The following MLH3 variants were observed in gnomAD, a reference collection of about 807,000 sequenced individuals.
MLH3 encodes mutL homolog 3, also known as DNA mismatch repair protein Mlh3.
MLH3 carries 82 observed loss-of-function variants against 122.2 expected under a neutral mutation model. The observed-to-expected ratio is 0.67, with a 90% CI of 0.56 to 0.81. The LOEUF (loss-of-function observed/expected upper bound fraction) is 0.81, where lower values mean the gene tolerates loss of function less well. Ranked by LOEUF, MLH3 falls within the 30% of genes least tolerant of loss-of-function variation. MLH3 has a pLI of 0.00. For synonymous variants in MLH3, 524 were observed against 599.5 expected, an observed-to-expected ratio of 0.87 and a Z score of 1.84; for missense variants, 1,539 against 1,714.5, an observed-to-expected ratio of 0.90 and a Z score of 1.81.
At position 75,048,279 on chromosome 14, in the gene MLH3, T is replaced by C. The variant is rs775675058; in HGVS notation, c.1377A>G (p.Gln459=). 6.2e-7 allele frequency: 1 copy of C among 1,614,092 alleles called. No individual in the cohort carries two copies. The highest frequency in any genetic ancestry group is 1.1e-5 in the South Asian group (1 of 91,086). Residue 459 remains glutamine (Q), a synonymous_variant, in exon 2 of 13, where the codon CAA becomes CAG. Coordinates refer to ENST00000355774, the MANE Select transcript of MLH3 (RefSeq NM_001040108.2). ...ATTCTGAGCAAGAGCTGTCTTTGTT[T>C]TGTAAAGATGGCTCTGTCATTTTGC... ...GHSKMTEPSL[Q]NKDSSCSESK...
rs1410738510 is a variant in MLH3 at position 75,032,130 on chromosome 14, C to T, written c.3765G>A (p.Leu1255=). 1.7e-5 allele frequency: 27 copies of T among 1,613,928 alleles called. No individual in the cohort carries two copies. Among genetic ancestry groups the T allele is most frequent in the Non-Finnish European group, 2.3e-5 (27 of 1,179,942 alleles). Residue 1255 remains leucine, a synonymous_variant, in exon 8 of 13, where the codon CTG becomes CTA. Transcript: ENST00000355774. ...CTAGCGGAGGAATTAGAGTAGAAGACAGTAATTTTTTCCGACCAGAGCCTT... is the reference window on the plus strand; with the variant it reads ...CTAGCGGAGGAATTAGAGTAGAAGATAGTAATTTTTTCCGACCAGAGCCTT... ...QAQGSGRKKL[L]SSTLIPPLEI... is the part of the protein sequence containing the mutation.
At chr14:75,020,108 G>A (rs1462096153) in intron 11 of MLH3, among the ~76,000 whole-genome samples, 2 of 152,162 alleles carry the variant, frequency 1.3e-5, no homozygotes, top group Admixed American at 6.5e-5. Context: ...TCAGGTAGAG[G>A]AGAAGGCCAG....
rs778567041 is a variant in MLH3 at position 75,049,071 on chromosome 14, A to C, written c.585T>G (p.Gly195=). Residue 195 remains glycine (G), a synonymous_variant, in exon 2 of 13, where the codon GGT becomes GGG. Coordinates refer to ENST00000355774, the MANE Select transcript of MLH3 (RefSeq NM_001040108.2). ...TTTTAGGGAGCTGAAGAACCATGGAACCAGAAACATCATTTCTCAAAGAGA... is the reference window on the plus strand; with the variant it reads ...TTTTAGGGAGCTGAAGAACCATGGACCCAGAAACATCATTTCTCAAAGAGA... ...ISFSLRNDVS[G]SMVLQLPKTK... 2.5e-6 allele frequency: 4 copies of C among 1,614,100 alleles called. No individual in the cohort carries two copies. The highest frequency in any genetic ancestry group is 3.4e-6 in the Non-Finnish European group (4 of 1,180,006).
chr14:75,041,418 AG>A (rs1190134449), intron 4 of MLH3, among the ~76,000 whole-genome samples, 196 bp downstream of exon 4: 2 of 152,114 alleles, frequency 1.3e-5, no homozygotes, highest in Non-Finnish European at 2.9e-5. Context: ...GCGTGGTGGC[AG>A]GTGCCTGTAA....
In MLH3 at chr14:75,046,179, C is replaced by CAA. The variant is rs138141680; in HGVS notation, c.3280+195_3280+196dup. 1.3e-4 allele frequency among the ~76,000 whole-genome samples: 7 copies of CAA among 53,668 alleles called. No homozygotes were observed. In the East Asian group the frequency reaches 2.1e-3, roughly 16 times the overall value. 35.2% of individuals were successfully genotyped at this position (53,668 alleles called of 152,430 possible). On this transcript the variant is annotated intron_variant, in intron 2 of 12. Transcript: ENST00000355774. The stretch of plus-strand genomic sequence containing the variant: ...TGGGTGACAGAGCAAGACTCCGTCT[C>CAA]AAAAAAAAAAAAAAAAAAAAGTAGT...
intron 9 of MLH3, among the ~76,000 whole-genome samples, chr14:75,023,881 T>C (rs549355365): frequency 9.2e-5 from 14 of 152,208 alleles, no homozygotes; most frequent in Non-Finnish European, 1.6e-4. Flanking sequence ...ATCTATACTC[T>C]AGTCTGCCAT....
At chr14:75,019,176 C>A (rs1194908264) in intron 11 of MLH3, 196 bp from the exon 12 acceptor site, 8 of 561,516 alleles carry the variant, frequency 1.4e-5, no homozygotes, top group Non-Finnish European at 2.2e-5. Context: ...CTTTGGGAGG[C>A]TGAGGCGGGC....
chr14:75,034,926 G>A (rs2139425331), intron 6 of MLH3, among the ~76,000 whole-genome samples: 1 of 151,924 alleles, frequency 6.6e-6, no homozygotes, highest in East Asian at 1.9e-4. Context: ...AGCCGGGCGT[G>A]GTGGCAGGTG....
Position 75,048,418 on chromosome 14 carries a change from CT to C in MLH3, c.1237del (p.Arg413GlufsTer8). ...MFNLQSKAVK[R>X]KTTAENVNTQ... ...GTTTACGTTTTCTGCAGTAGTTTTTCTTTTCACAGCTTTTGACTGCAAATTA... is the reference window on the plus strand; with the variant it reads ...GTTTACGTTTTCTGCAGTAGTTTTTCTTTCACAGCTTTTGACTGCAAATTA... On this transcript the variant is annotated frameshift_variant, in exon 2 of 13. Coordinates refer to ENST00000355774, the MANE Select transcript of MLH3 (RefSeq NM_001040108.2). LOFTEE classifies it high-confidence loss of function. 1 of 1,607,342 alleles carries C rather than the reference CT, an allele frequency of 6.2e-7. No homozygotes were observed. Among genetic ancestry groups the C allele is most frequent in the Non-Finnish European group, 8.5e-7 (1 of 1,177,778 alleles).
intron 9 of MLH3, among the ~76,000 whole-genome samples, chr14:75,027,772 A>ATT (rs1890756540): frequency 6.6e-6 from 1 of 151,796 alleles, no homozygotes; most frequent in Admixed American, 6.6e-5. Context: ...TTTTAATCTA[A>ATT]ATAAAGATTG....
chr14:75,016,542 C>T lies in MLH3; in HGVS notation c.*540G>A. Reference sequence around the variant, plus strand: ...GATGAAAGACCCTAGAGAATGTTTTCACTGTAGTAGAGAAACTCTTTAAGT... The same window carrying T: ...GATGAAAGACCCTAGAGAATGTTTTTACTGTAGTAGAGAAACTCTTTAAGT... On this transcript the variant is annotated 3_prime_UTR_variant, in exon 13 of 13. Transcript: ENST00000355774. The T allele has an allele frequency of 5.3e-6, 1 of 190,368 alleles. No individual in the cohort carries two copies. The highest frequency in any genetic ancestry group is 8.7e-5 in the East Asian group (1 of 11,496). The allele number at this position is 190,368 out of a possible 1,614,324, so 11.8% of individuals were successfully genotyped here.
In MLH3 at chr14:75,047,867, T is replaced by C. The variant is rs1237005593; in HGVS notation, c.1789A>G (p.Ser597Gly). Reference sequence around the variant, plus strand: ...GAACATAATTTAACTCGCCCATAACTAAAAACATTTCTTCTTCCACAATTG... The same window carrying C: ...GAACATAATTTAACTCGCCCATAACCAAAAACATTTCTTCTTCCACAATTG... ...SSNCGRRNVF[S>G]YGRVKLCSTG... Residue 597 changes from serine (S) to glycine (G), a missense_variant, in exon 2 of 13, where the codon AGT (serine) becomes GGT (glycine). Transcript: ENST00000355774. 1.9e-6 allele frequency: 3 copies of C among 1,613,278 alleles called. No homozygotes were observed. In the South Asian group the frequency reaches 3.3e-5, roughly 18 times the overall value.
chr14:75,041,530 A>G (rs1891851604), intron 4 of MLH3, 85 bp downstream of exon 4: 1 of 1,068,728 alleles, frequency 9.4e-7, no homozygotes, highest in Non-Finnish European at 1.4e-6. Context: ...TCTGGGCAAC[A>G]GGAGCAAAAC....
At position 75,028,665 on chromosome 14, in the gene MLH3, G is replaced by A. The variant is rs762758448; in HGVS notation, c.3987+1878C>T. Among the ~76,000 whole-genome samples, 4 of 151,024 alleles carry A rather than the reference G, an allele frequency of 2.6e-5. No individual in the cohort carries two copies. The South Asian group carries it at 6.3e-4, about 24-fold the overall frequency. Reference sequence around the variant, plus strand: ...ACTCCAGACCTCAAATGATCCGCCCGCCTTGGCCTCCCAAAATGCTGGGAT... The same window carrying A: ...ACTCCAGACCTCAAATGATCCGCCCACCTTGGCCTCCCAAAATGCTGGGAT... On this transcript the variant is annotated intron_variant, in intron 9 of 12. Transcript: ENST00000355774.
Position 75,039,991 on chromosome 14 carries a change from G to A in MLH3, c.3490C>T (p.Gln1164Ter). 6.3e-7 allele frequency: 1 copy of A among 1,594,220 alleles called. No individual in the cohort carries two copies. Among genetic ancestry groups the A allele is most frequent in the Non-Finnish European group, 8.6e-7 (1 of 1,164,560 alleles). ...PEVAVDVSSG[Q>*]AESLAVKIHN... The stretch of plus-strand genomic sequence containing the variant: ...ATTTTAACTGCTAAGCTCTCAGCCT[G>A]GCCACTGCTTACATCAACAGCAACC... The change falls in exon 5 of 13, where the codon CAG (glutamine) becomes TAG (stop). Residue 1164 changes from glutamine (Q) to a stop codon, truncating the protein, a stop_gained. Transcript: ENST00000355774. LOFTEE classifies it high-confidence loss of function.
intron 5 of MLH3, 152 bp downstream of exon 5, chr14:75,039,759 A>AACACACAC (rs34635307): frequency 5.8e-4 from 118 of 203,192 alleles, no homozygotes; most frequent in African/African-American, 2.7e-3. Context: ...TTCTAGTAAG[A>AACACACAC]ACACACACAC....
Position 75,015,254 on chromosome 14 carries a change from T to C in MLH3, c.*1828A>G, listed in dbSNP as rs1341283257. On this transcript the variant is annotated 3_prime_UTR_variant, in exon 13 of 13. Transcript: ENST00000355774. ...ATGCTGAGGCATGCCCCCACACTTATAAATTATGAAAACAGAATAATTATC... is the reference window on the plus strand; with the variant it reads ...ATGCTGAGGCATGCCCCCACACTTACAAATTATGAAAACAGAATAATTATC... 2.8e-5 allele frequency: 5 copies of C among 177,574 alleles called. No individual in the cohort carries two copies. Among genetic ancestry groups the C allele is most frequent in the East Asian group, 9.4e-5 (1 of 10,608 alleles). The allele number at this position is 177,574 out of a possible 1,614,324, so 11.0% of individuals were successfully genotyped here.
chr14:75,020,580 C>G (rs175054), intron 11 of MLH3, among the ~76,000 whole-genome samples: 150,429 of 152,250 alleles, frequency 0.99, 74,333 homozygotes, highest in East Asian at 1. Flanking sequence ...GACCAAGACT[C>G]GGTCATTTAT....
intron 9 of MLH3, among the ~76,000 whole-genome samples, chr14:75,025,806 C>T (rs545833298): frequency 2.0e-5 from 3 of 152,338 alleles, no homozygotes; most frequent in Admixed American, 1.3e-4. Context: ...CCCACCTTCA[C>T]GATGGAACTC....
Sources: allele counts gnomAD v4.1 joint callset (sites outside exome capture counted in the v4.1 genomes callset), GRCh38; gene constraint gnomAD v4.1.1; transcripts MANE v1.5; gene names NCBI Gene and HGNC (gene_info 2026-07-23, HGNC 2026-07-21).